Variants in ARHGEF3 observed in about 807,000 individuals in gnomAD.
ARHGEF3 encodes the protein 59.8 kDA protein.
In ARHGEF3, 28 loss-of-function variants were observed where a neutral mutation model predicts 63.2. That is an observed-to-expected ratio of 0.44 (90% CI 0.33 to 0.61). ARHGEF3 has a LOEUF of 0.61. Ranked by LOEUF, ARHGEF3 falls within the 20% of genes least tolerant of loss-of-function variation. The pLI, the probability that ARHGEF3 is intolerant of heterozygous loss-of-function variation, is 0.03. For missense variants in ARHGEF3, 533 were observed against 659.3 expected, an observed-to-expected ratio of 0.81 and a Z score of 2.10; for synonymous variants, 266 against 254.2, an observed-to-expected ratio of 1.05 and a Z score of -0.44.
At chr3:56,975,140 G>C (rs867756727) in intron 2 of ARHGEF3, among the ~76,000 whole-genome samples, 1 of 152,172 alleles carries the variant, frequency 6.6e-6, no homozygotes, top group Non-Finnish European at 1.5e-5. Flanking sequence ...AGTTCTGGCT[G>C]AGTGCGGTGG....
At chr3:57,071,584 C>T (rs1053547589) in intron 1 of ARHGEF3, among the ~76,000 whole-genome samples, 2 of 150,772 alleles carry the variant, frequency 1.3e-5, no homozygotes, top group African/African-American at 2.4e-5. Flanking sequence ...CATTTGAAAC[C>T]GGAAGGTGGA....
intron 2 of ARHGEF3, among the ~76,000 whole-genome samples, chr3:57,013,969 G>A (rs1372032668): frequency 1.3e-5 from 2 of 152,180 alleles, no homozygotes; most frequent in Non-Finnish European, 2.9e-5. Context: ...TTGTTCCTCT[G>A]CTCTTTGCAA....
At chr3:56,747,903 C>T (rs2034490183) in intron 6 of ARHGEF3, among the ~76,000 whole-genome samples, 1 of 152,212 alleles carries the variant, frequency 6.6e-6, no homozygotes, top group Non-Finnish European at 1.5e-5. Flanking sequence ...TTCCAAGCCT[C>T]AGTGTCTCCA....
intron 2 of ARHGEF3, among the ~76,000 whole-genome samples, chr3:57,034,876 C>T (rs770530447): frequency 2.6e-5 from 4 of 151,766 alleles, no homozygotes; most frequent in Non-Finnish European, 5.9e-5. Context: ...CCAGGCTGGT[C>T]TCGAACTCCT....
At chr3:56,917,326 T>C (rs1008489477) in intron 3 of ARHGEF3, among the ~76,000 whole-genome samples, 5 of 152,168 alleles carry the variant, frequency 3.3e-5, no homozygotes, top group Non-Finnish European at 7.4e-5. Flanking sequence ...AGTTATCTAA[T>C]GGGGTAGTAT....
intron 1 of ARHGEF3, among the ~76,000 whole-genome samples, chr3:57,057,789 A>T (rs912044867): frequency 6.6e-6 from 1 of 152,198 alleles, no homozygotes; most frequent in African/African-American, 2.4e-5. Flanking sequence ...ATCACTTGAT[A>T]CATACTTGAG....
At chr3:56,958,770 ATG>A (rs1700155295) in intron 3 of ARHGEF3, 1 of 1,504,786 alleles carries the variant, frequency 6.6e-7, no homozygotes, top group Non-Finnish European at 9.1e-7. Context: ...AGGCCAGAGC[ATG>A]TATCCATAAT....
intron 9 of ARHGEF3, chr3:56,731,534 A>T (rs998738052): frequency 4.0e-5 from 6 of 149,476 alleles, no homozygotes; most frequent in Admixed American, 3.4e-4. Flanking sequence ...CTGTCTCAAA[A>T]AAATAAATAA....
intron 1 of ARHGEF3, among the ~76,000 whole-genome samples, chr3:57,064,679 C>T (rs4681717): frequency 0.22 from 33,522 of 152,068 alleles, 4,255 homozygotes; most frequent in East Asian, 0.48. Context: ...GTGAAATAAG[C>T]CAGTCACAAA....
At chr3:57,046,372 G>C (rs1220596207) in intron 1 of ARHGEF3, among the ~76,000 whole-genome samples, 1 of 152,156 alleles carries the variant, frequency 6.6e-6, no homozygotes, top group Non-Finnish European at 1.5e-5. Flanking sequence ...TATCTCATAG[G>C]TTCTGGCACC....
At chr3:56,976,123 C>A (rs1223535566) in intron 2 of ARHGEF3, among the ~76,000 whole-genome samples, 3 of 152,132 alleles carry the variant, frequency 2.0e-5, no homozygotes, top group African/African-American at 7.2e-5. Flanking sequence ...CTCACTGCAA[C>A]CTCCACCTCC....
At chr3:56,966,418 T>C (rs1700497168) in intron 2 of ARHGEF3, among the ~76,000 whole-genome samples, 5 of 152,250 alleles carry the variant, frequency 3.3e-5, no homozygotes, top group Admixed American at 3.3e-4. Flanking sequence ...TTATATTATG[T>C]ATTTCTTAGT....
At chr3:56,969,994 T>C (rs1056415392) in intron 2 of ARHGEF3, among the ~76,000 whole-genome samples, 1 of 151,942 alleles carries the variant, frequency 6.6e-6, no homozygotes, top group African/African-American at 2.4e-5. Flanking sequence ...AATAGACAAA[T>C]CCATAGAGTC....
chr3:57,071,705 T>C (rs934845804), intron 1 of ARHGEF3, among the ~76,000 whole-genome samples: 4 of 151,066 alleles, frequency 2.6e-5, no homozygotes, highest in African/African-American at 7.3e-5. Flanking sequence ...TTTCATGACC[T>C]TGCATCAGGC....
intron 4 of ARHGEF3, among the ~76,000 whole-genome samples, chr3:56,860,041 G>GAGAC (rs1553768684): frequency 6.7e-6 from 1 of 150,264 alleles, no homozygotes; most frequent in African/African-American, 2.5e-5. Context: ...GGTCTCAAGA[G>GAGAC]AGATAGATAG....
At chr3:56,767,307 G>A (rs1435418974) in intron 2 of ARHGEF3, among the ~76,000 whole-genome samples, 2 of 151,888 alleles carry the variant, frequency 1.3e-5, no homozygotes, top group Non-Finnish European at 2.9e-5. Context: ...ATGCGGCCGG[G>A]CGCGGTGGCT....
In ARHGEF3 at chr3:56,923,025, AATATATATATATATATATATATAT is replaced by A. The variant is rs72294634; in HGVS notation, c.129+35774_129+35797del. ...AAATGGCAAAACCCCATCTCTACTA[AATATATATATATATATATATATAT>A]ATATATATATATATATATATATATA... On this transcript the variant is annotated intron_variant, in intron 3 of 12. Transcript: ENST00000338458. 4.0e-3 allele frequency among the ~76,000 whole-genome samples: 365 copies of A among 91,266 alleles called. 6 individuals carry two copies. The highest frequency in any genetic ancestry group is 0.027 in the Middle Eastern group (6 of 224). The allele number at this position is 91,266 out of a possible 152,430, so 59.9% of individuals were successfully genotyped here.
intron 2 of ARHGEF3, among the ~76,000 whole-genome samples, chr3:56,995,928 T>G (rs1323839547): frequency 2.6e-5 from 4 of 152,120 alleles, no homozygotes; most frequent in Admixed American, 1.3e-4. Flanking sequence ...CCATCAACCA[T>G]TAACTCCCAC....
intron 4 of ARHGEF3, among the ~76,000 whole-genome samples, chr3:56,868,317 C>T (rs976033518): frequency 6.6e-6 from 1 of 151,588 alleles, no homozygotes; most frequent in African/African-American, 2.4e-5. Context: ...AGTTAACCAG[C>T]TAAAAGCAAA....
Sources: allele counts gnomAD v4.1 joint callset (sites outside exome capture counted in the v4.1 genomes callset), GRCh38; gene constraint gnomAD v4.1.1; transcripts MANE v1.5; gene names NCBI Gene and HGNC (gene_info 2026-07-23, HGNC 2026-07-21).